NREP: variants seen among roughly 807,000 people sequenced by gnomAD.
The protein encoded by NREP is neuronal regeneration-related protein.
In NREP, 5 loss-of-function variants were observed where a neutral mutation model predicts 8.6. The ratio of observed to expected loss-of-function variants is 0.58; its 90% CI spans 0.30 to 1.22. The LOEUF (loss-of-function observed/expected upper bound fraction) is 1.22. NREP is among the 50% of genes most tolerant of loss of function. The pLI is 0.07. For missense variants in NREP, 86 were observed against 82.5 expected (o/e 1.04, Z -0.17); for synonymous variants, 27 against 28.0 (o/e 0.96, Z 0.11).
In NREP at chr5:111,741,824, T is replaced by TACACACACAC. The variant is rs112980817; in HGVS notation, c.4-6327_4-6318dup. Among the ~76,000 whole-genome samples the TACACACACAC allele has an allele frequency of 3.3e-3, 240 of 73,470 alleles. 2 individuals are homozygous for TACACACACAC. Among genetic ancestry groups the TACACACACAC allele is most frequent in the African/African-American group, 7.1e-3 (177 of 24,880 alleles). 48.2% of individuals were successfully genotyped at this position (73,470 alleles called of 152,430 possible). A position where few individuals can be genotyped will look rare whatever the true frequency, so the allele number is the denominator to read the frequency against. On this transcript the variant is annotated intron_variant, in intron 2 of 3. Coordinates refer to ENST00000257435, the MANE Select transcript of NREP (RefSeq NM_004772.4). ...CACTGACCTAATTTAAACACACACATACACACACACACACACACACACACA... is the reference window on the plus strand; with the variant it reads ...CACTGACCTAATTTAAACACACACATACACACACACACACACACACACACACACACACACA...
At chr5:111,943,025 G>T (rs553910489) in intron 2 of NREP, among the ~76,000 whole-genome samples, 64 of 151,930 alleles carry the variant, frequency 4.2e-4, no homozygotes, top group Middle Eastern at 6.8e-3. Flanking sequence ...TCTCCCCTTT[G>T]ATCTCCTATA....
At chr5:111,809,307 C>T (rs879650233) in intron 2 of NREP, among the ~76,000 whole-genome samples, 3 of 152,176 alleles carry the variant, frequency 2.0e-5, no homozygotes, top group Non-Finnish European at 4.4e-5. Flanking sequence ...AATGCCTGCT[C>T]CATCCATAGT....
At chr5:111,809,557 C>G (rs1752221670) in intron 2 of NREP, among the ~76,000 whole-genome samples, 1 of 152,078 alleles carries the variant, frequency 6.6e-6, no homozygotes, top group Non-Finnish European at 1.5e-5. Flanking sequence ...GAGAATGGAT[C>G]AGTTTCTGTG....
chr5:111,935,310 A>G (rs1284772697), intron 2 of NREP, among the ~76,000 whole-genome samples: 1 of 152,084 alleles, frequency 6.6e-6, no homozygotes, highest in African/African-American at 2.4e-5. Context: ...TATCCCAGAG[A>G]TCAACTTACC....
chr5:111,880,691 G>A (rs371518863), intron 2 of NREP, among the ~76,000 whole-genome samples: 1 of 150,550 alleles, frequency 6.6e-6, no homozygotes, highest in East Asian at 2.0e-4. Flanking sequence ...GGATTACAGA[G>A]GTAGATACAA....
intron 2 of NREP, among the ~76,000 whole-genome samples, chr5:111,837,546 G>A (rs1480177547): frequency 6.6e-6 from 1 of 152,064 alleles, no homozygotes; most frequent in Non-Finnish European, 1.5e-5. Flanking sequence ...ACTTTGAAAA[G>A]TGGTAATTAA....
At chr5:111,897,587 C>T (rs1479152224) in intron 2 of NREP, among the ~76,000 whole-genome samples, 2 of 152,076 alleles carry the variant, frequency 1.3e-5, no homozygotes, top group Non-Finnish European at 2.9e-5. Flanking sequence ...ATATTATCTT[C>T]CTGAGACTTC....
intron 2 of NREP, among the ~76,000 whole-genome samples, chr5:111,770,988 G>A (rs776195217): frequency 3.3e-5 from 5 of 152,028 alleles, no homozygotes; most frequent in Non-Finnish European, 5.9e-5. Flanking sequence ...CTCTCTTCCA[G>A]GAAACAAACA....
At chr5:111,784,195 C>G (rs573182368) in intron 2 of NREP, among the ~76,000 whole-genome samples, 71 of 152,198 alleles carry the variant, frequency 4.7e-4, no homozygotes, top group African/African-American at 1.6e-3. Context: ...AAGCAATGGA[C>G]TTACAGGAGG....
At chr5:111,876,329 G>A (rs1016218018) in intron 2 of NREP, among the ~76,000 whole-genome samples, 17 of 152,224 alleles carry the variant, frequency 1.1e-4, no homozygotes, top group African/African-American at 2.2e-4. Flanking sequence ...CTCACTATCC[G>A]CCTAAATAAT....
intron 2 of NREP, among the ~76,000 whole-genome samples, chr5:111,872,542 G>A (rs945986149): frequency 2.6e-5 from 4 of 152,036 alleles, no homozygotes; most frequent in Admixed American, 1.3e-4. Context: ...TCCGATGTCC[G>A]GCCACTATTT....
chr5:111,920,027 C>G (rs999546011), intron 2 of NREP, among the ~76,000 whole-genome samples: 1 of 144,044 alleles, frequency 6.9e-6, no homozygotes, highest in African/African-American at 2.5e-5. Context: ...ATGAAGTTTT[C>G]TTCCCTTTTG....
intron 2 of NREP, among the ~76,000 whole-genome samples, chr5:111,875,606 T>G (rs184052327): frequency 7.9e-5 from 12 of 152,338 alleles, no homozygotes; most frequent in Admixed American, 5.9e-4. Flanking sequence ...ACATTATAGA[T>G]AAAACAGTAT....
At chr5:111,873,347 A>C (rs1753831958) in intron 2 of NREP, among the ~76,000 whole-genome samples, 1 of 152,160 alleles carries the variant, frequency 6.6e-6, no homozygotes, top group Admixed American at 6.5e-5. Context: ...CTTATTATCT[A>C]ATTGCTATAT....
intron 2 of NREP, among the ~76,000 whole-genome samples, chr5:111,943,033 A>G (rs1001585567): frequency 1.3e-5 from 2 of 151,852 alleles, no homozygotes; most frequent in Admixed American, 6.6e-5. Context: ...TTGATCTCCT[A>G]TACATATGTG....
intron 2 of NREP, among the ~76,000 whole-genome samples, chr5:111,884,870 A>T (rs1055268523): frequency 6.6e-6 from 1 of 152,250 alleles, no homozygotes; most frequent in African/African-American, 2.4e-5. Flanking sequence ...CCAATATCAT[A>T]CTGAATGGGC....
intron 2 of NREP, chr5:111,739,352 G>C (rs1446401820): frequency 6.6e-6 from 1 of 152,250 alleles, no homozygotes; most frequent in Non-Finnish European, 1.5e-5. Context: ...GCTCCATGCA[G>C]GCAAGTGGCC....
At chr5:111,944,309 C>T (rs1366614534) in intron 2 of NREP, among the ~76,000 whole-genome samples, 1 of 151,874 alleles carries the variant, frequency 6.6e-6, no homozygotes, top group Non-Finnish European at 1.5e-5. Context: ...TGTTCTTCCT[C>T]CATTTTTTTC....
chr5:111,926,418 T>C (rs1433401055), intron 2 of NREP, among the ~76,000 whole-genome samples: 2 of 152,098 alleles, frequency 1.3e-5, no homozygotes, highest in Non-Finnish European at 2.9e-5. Flanking sequence ...CGATTGTGCA[T>C]CGCTTGCAGA....
Sources: allele counts gnomAD v4.1 joint callset (sites outside exome capture counted in the v4.1 genomes callset), GRCh38; gene constraint gnomAD v4.1.1; transcripts MANE v1.5; gene names NCBI Gene and HGNC (gene_info 2026-07-23, HGNC 2026-07-21).